Variants in PTPN5 observed in about 807,000 individuals in gnomAD.
PTPN5 encodes the protein protein tyrosine phosphatase non-receptor type 5, also known as tyrosine-protein phosphatase non-receptor type 5.
In PTPN5, 29 loss-of-function variants were observed where a neutral mutation model predicts 73.9. The observed-to-expected ratio is 0.39, with a 90% CI of 0.29 to 0.54. The LOEUF is 0.54. PTPN5 is among the 20% of genes least tolerant of loss of function. The probability of loss-of-function intolerance (pLI) is 0.65; values close to 1 mark genes in which losing one functional copy is unlikely to be tolerated. For missense variants in PTPN5, 652 were observed against 751.4 expected, an observed-to-expected ratio of 0.87 and a Z score of 1.55; for synonymous variants, 267 against 304.7, an observed-to-expected ratio of 0.88 and a Z score of 1.29.
intron 1 of PTPN5, among the ~76,000 whole-genome samples, chr11:18,789,484 T>C (rs1707145463): frequency 1.3e-5 from 2 of 152,138 alleles, no homozygotes; most frequent in Non-Finnish European, 2.9e-5. Context: ...AATCCCTACA[T>C]GGCAAAAACC....
Position 18,772,047 on chromosome 11 carries a change from G to A in PTPN5, c.-89C>T, listed in dbSNP as rs1590597350. ...GCAAGCTGGTGATATAAATGAAGGA[G>A]AGAGGGCAGCTTCAGATCATCCAGC... On this transcript the variant is annotated 5_prime_UTR_variant, in exon 2 of 15. Transcript: ENST00000358540. The A allele has an allele frequency of 6.5e-5, 65 of 1,000,166 alleles. 1 individual carries two copies. The East Asian group carries it at 1.8e-3, about 28-fold the overall frequency. 62.0% of individuals were successfully genotyped at this position (1,000,166 alleles called of 1,614,324 possible). A position where few individuals can be genotyped will look rare whatever the true frequency, so the allele number is the denominator to read the frequency against.
intron 3 of PTPN5, among the ~76,000 whole-genome samples, chr11:18,760,658 C>T (rs1850344528): frequency 6.6e-6 from 1 of 152,236 alleles, no homozygotes; most frequent in Admixed American, 6.5e-5. Context: ...ACACTGAAAT[C>T]TCAGGTTGGT....
chr11:18,764,740 T>C (rs769609314), intron 3 of PTPN5, among the ~76,000 whole-genome samples: 115 of 152,152 alleles, frequency 7.6e-4, no homozygotes, highest in Admixed American at 7.2e-4. Context: ...GGAGACGGAG[T>C]CTTACTCTGT....
chr11:18,752,743 G>T (rs999837373), intron 3 of PTPN5, among the ~76,000 whole-genome samples: 2 of 152,212 alleles, frequency 1.3e-5, no homozygotes, highest in African/African-American at 4.8e-5. Context: ...AAACTCTGAG[G>T]GTGTTGCTTC....
intron 2 of PTPN5, among the ~76,000 whole-genome samples, chr11:18,766,168 C>T (rs1354674485): frequency 6.6e-6 from 1 of 152,214 alleles, no homozygotes; most frequent in Admixed American, 6.5e-5. Flanking sequence ...GGAGGATTTA[C>T]TATACGCAAG....
intron 3 of PTPN5, among the ~76,000 whole-genome samples, chr11:18,748,588 A>T (rs1849742600): frequency 6.6e-6 from 1 of 151,974 alleles, no homozygotes; most frequent in Non-Finnish European, 1.5e-5. Flanking sequence ...TATATTCTGC[A>T]CATAATTTTT....
rs372003243 is a variant in PTPN5, at chr11:18,742,986, C to A, written c.483+6G>T. On this transcript the variant is annotated splice_donor_region_variant and intron_variant, in intron 6 of 14. Coordinates refer to ENST00000358540, the MANE Select transcript of PTPN5 (RefSeq NM_006906.2). The surrounding 1 kb of genome is among the most constrained non-coding windows in gnomAD (Gnocchi z 4.1). ...GCCTTGAGGTTGGGGTCAGGAGGCG[C>A]CTTACCAGGGTGGTAACGAGGACCA... 78 of 1,546,248 alleles carry A rather than the reference C, an allele frequency of 5.0e-5. No homozygotes were observed. The highest frequency in any genetic ancestry group is 6.5e-5 in the Non-Finnish European group (74 of 1,142,228).
chr11:18,750,380 C>A (rs1269940314), intron 3 of PTPN5, among the ~76,000 whole-genome samples: 2 of 152,164 alleles, frequency 1.3e-5, no homozygotes, highest in Non-Finnish European at 2.9e-5. Flanking sequence ...ATTAGCCACA[C>A]ACGAGATGAG....
chr11:18,742,150 T>C lies in PTPN5; in HGVS notation c.725+112A>G. 1 of 1,449,812 alleles carries C rather than the reference T, an allele frequency of 6.9e-7. No individual in the cohort carries two copies. The highest frequency in any genetic ancestry group is 9.4e-7 in the Non-Finnish European group (1 of 1,060,628). The allele number at this position is 1,449,812 out of a possible 1,614,324, so 89.8% of individuals were successfully genotyped here. On this transcript the variant is annotated intron_variant, in intron 7 of 14. Transcript: ENST00000358540. The surrounding 1 kb of genome is among the most constrained non-coding windows in gnomAD (Gnocchi z 4.1). ...GCACATGTCTACACTGGCTAAGCTATAAGGCCAGCTCTGCCCTGGGCACCA... is the reference window on the plus strand; with the variant it reads ...GCACATGTCTACACTGGCTAAGCTACAAGGCCAGCTCTGCCCTGGGCACCA...
At chr11:18,790,312 T>G (rs74663815) in intron 1 of PTPN5, among the ~76,000 whole-genome samples, 5 of 151,960 alleles carry the variant, frequency 3.3e-5, no homozygotes, top group African/African-American at 1.2e-4. Context: ...AGGGGCCTGG[T>G]TGGAGTAGAA....
intron 1 of PTPN5, among the ~76,000 whole-genome samples, chr11:18,782,714 G>A (rs924501007): frequency 1.3e-5 from 2 of 152,182 alleles, no homozygotes; most frequent in Non-Finnish European, 2.9e-5. Flanking sequence ...TCATGCAGTT[G>A]TCAAAATGCA....
At chr11:18,750,732 G>T (rs1849850381) in intron 3 of PTPN5, among the ~76,000 whole-genome samples, 1 of 152,108 alleles carries the variant, frequency 6.6e-6, no homozygotes, top group Admixed American at 6.5e-5. Flanking sequence ...TCAGTCTTAT[G>T]CTGTTCAATA....
intron 1 of PTPN5, among the ~76,000 whole-genome samples, chr11:18,781,860 G>A (rs180833058): frequency 4.5e-4 from 69 of 152,184 alleles, no homozygotes; most frequent in Non-Finnish European, 8.5e-4. Context: ...CACTCAGGAG[G>A]GCACAAAAAC....
At chr11:18,785,707 G>A (rs975452129) in intron 1 of PTPN5, among the ~76,000 whole-genome samples, 3 of 152,180 alleles carry the variant, frequency 2.0e-5, no homozygotes, top group Admixed American at 6.5e-5. Flanking sequence ...AATGGGAGGC[G>A]AGGGGCTGTT....
chr11:18,771,012 T>TA (rs1490519176), intron 2 of PTPN5, among the ~76,000 whole-genome samples: 1 of 152,072 alleles, frequency 6.6e-6, no homozygotes, highest in Non-Finnish European at 1.5e-5. Context: ...GCCCAGGACT[T>TA]ATGCAGAGAA....
At chr11:18,746,923 G>A (rs1849669398) in intron 3 of PTPN5, among the ~76,000 whole-genome samples, 1 of 152,186 alleles carries the variant, frequency 6.6e-6, no homozygotes, top group African/African-American at 2.4e-5. Context: ...TGCCAAATAT[G>A]GAACGGTGGG....
intron 2 of PTPN5, 110 bp from the exon 3 acceptor site, chr11:18,765,993 A>C: frequency 1.2e-6 from 1 of 811,872 alleles, no homozygotes; most frequent in South Asian, 1.5e-5. Context: ...CCCTTTGAAT[A>C]ACCCCACCCC....
At chr11:18,774,749 C>T (rs1229114333) in intron 1 of PTPN5, among the ~76,000 whole-genome samples, 1 of 152,240 alleles carries the variant, frequency 6.6e-6, no homozygotes, top group African/African-American at 2.4e-5. Context: ...CAGAAATTCA[C>T]AGTGATTCAG....
intron 3 of PTPN5, among the ~76,000 whole-genome samples, chr11:18,764,682 A>G (rs1457260822): frequency 6.6e-6 from 1 of 152,146 alleles, no homozygotes; most frequent in Non-Finnish European, 1.5e-5. Flanking sequence ...TCAACGTTAG[A>G]GTTCAAAAGA....
Sources: allele counts gnomAD v4.1 joint callset (sites outside exome capture counted in the v4.1 genomes callset), GRCh38; gene constraint gnomAD v4.1.1; non-coding constraint Gnocchi (gnomAD v3.1); transcripts MANE v1.5; gene names NCBI Gene and HGNC (gene_info 2026-07-23, HGNC 2026-07-21).